PPP2R2C: variants seen among roughly 807,000 people sequenced by gnomAD.
PPP2R2C encodes protein phosphatase 2 regulatory subunit Bgamma.
In PPP2R2C, 10 loss-of-function variants were observed where a neutral mutation model predicts 45.3. That is an observed-to-expected ratio of 0.22 (90% CI 0.14 to 0.37). The LOEUF (loss-of-function observed/expected upper bound fraction) is 0.37, where lower values mean the gene tolerates loss of function less well. PPP2R2C is among the 10% of genes least tolerant of loss of function. PPP2R2C has a pLI of 1.00. For missense variants in PPP2R2C, 308 were observed against 619.7 expected (o/e 0.50, Z 5.34); for synonymous variants, 257 against 245.4 (o/e 1.05, Z -0.44).
In PPP2R2C at chr4:6,471,262, C is replaced by T. The variant is rs1721866002; in HGVS notation, c.70+898G>A. Among the ~76,000 whole-genome samples, 4 of 152,040 alleles carry T rather than the reference C, an allele frequency of 2.6e-5. No individual in the cohort carries two copies. In the South Asian group the frequency reaches 8.3e-4, roughly 32 times the overall value. ...CACTCGGGCAGGGCTCCAGCACAGG[C>T]GGCCCCGAGCCCAGACCTCCCGGTC... On this transcript the variant is annotated intron_variant, in intron 1 of 8. Transcript: ENST00000382599. The surrounding 1 kb of genome is among the most constrained non-coding windows in gnomAD (Gnocchi z 5.6).
At chr4:6,413,764 G>T in intron 1 of PPP2R2C, 2 of 1,108,404 alleles carry the variant, frequency 1.8e-6, no homozygotes, top group Non-Finnish European at 2.5e-6. Context: ...GGCAGCTGGG[G>T]TCACTGAGAC....
At chr4:6,436,903 C>CT (rs1051208268) in intron 1 of PPP2R2C, among the ~76,000 whole-genome samples, 57 of 8,662 alleles carry the variant, frequency 6.6e-3, no homozygotes, top group Middle Eastern at 0.5. Flanking sequence ...GGTCCAAATG[C>CT]CCAGTTGTCT....
At chr4:6,449,383 T>C (rs1386107330) in intron 1 of PPP2R2C, among the ~76,000 whole-genome samples, 1 of 152,218 alleles carries the variant, frequency 6.6e-6, no homozygotes, top group East Asian at 1.9e-4. Flanking sequence ...ACTTTCACAG[T>C]GCACCTCCAC....
At chr4:6,517,444 C>T (rs1723860170) in intron 2 of PPP2R2C, among the ~76,000 whole-genome samples, 2 of 152,308 alleles carry the variant, frequency 1.3e-5, no homozygotes, top group South Asian at 4.1e-4. Context: ...GGGACTACTT[C>T]CCAGAAGCCA....
chr4:6,500,170 A>C (rs1163823544), intron 2 of PPP2R2C, among the ~76,000 whole-genome samples: 1 of 152,172 alleles, frequency 6.6e-6, no homozygotes, highest in African/African-American at 2.4e-5. Flanking sequence ...TTTTTGAGAC[A>C]GAGTCTCACT....
At chr4:6,381,378 C>G in intron 1 of PPP2R2C, 1 of 1,480,808 alleles carries the variant, frequency 6.8e-7, no homozygotes, top group Non-Finnish European at 9.0e-7. Context: ...AGTAACTGGA[C>G]ACTCTATGGG....
At chr4:6,562,548 C>A (rs923060310) in intron 1 of PPP2R2C, among the ~76,000 whole-genome samples, 1 of 152,076 alleles carries the variant, frequency 6.6e-6, no homozygotes, top group Non-Finnish European at 1.5e-5. Flanking sequence ...CACCCTACCC[C>A]GGTCCACCAG....
intron 6 of PPP2R2C, among the ~76,000 whole-genome samples, chr4:6,344,792 T>G (rs928537057): frequency 3.9e-5 from 6 of 152,194 alleles, no homozygotes; most frequent in African/African-American, 1.4e-4. Flanking sequence ...CCCCTAAATC[T>G]TTCAACATAA....
chr4:6,412,988 T>G (rs1718288893), intron 1 of PPP2R2C, among the ~76,000 whole-genome samples: 1 of 152,226 alleles, frequency 6.6e-6, no homozygotes. Flanking sequence ...TAGAAATGTT[T>G]CTGTTGTTTA....
At chr4:6,537,169 C>T (rs1028303397) in intron 1 of PPP2R2C, among the ~76,000 whole-genome samples, 4 of 151,898 alleles carry the variant, frequency 2.6e-5, no homozygotes, top group Non-Finnish European at 4.4e-5. Flanking sequence ...CTGCAGTGCA[C>T]TCCAGTCTGG....
intron 5 of PPP2R2C, among the ~76,000 whole-genome samples, chr4:6,361,030 C>T (rs1400523326): frequency 2.0e-5 from 3 of 152,160 alleles, no homozygotes; most frequent in South Asian, 2.1e-4. Flanking sequence ...ACTTAATTAC[C>T]CCTTTAAGGC....
At chr4:6,506,057 G>A (rs1028511552) in intron 2 of PPP2R2C, among the ~76,000 whole-genome samples, 19 of 152,282 alleles carry the variant, frequency 1.2e-4, no homozygotes, top group South Asian at 2.1e-4. Context: ...TCATAGGCAT[G>A]CTGGGCAAAA....
chr4:6,461,896 G>C (rs1363737657), intron 1 of PPP2R2C, among the ~76,000 whole-genome samples: 2 of 152,212 alleles, frequency 1.3e-5, no homozygotes, highest in Non-Finnish European at 2.9e-5. Flanking sequence ...CCCATCATGG[G>C]GGTAAGACAG....
At position 6,345,552 on chromosome 4, in the gene PPP2R2C, A is replaced by G. The variant is rs760905008; in HGVS notation, c.790+2294T>C. ...CGAAAGACAGACAGGAGGGTCAGAG[A>G]CGTGAGAGAGGCTTGGCCGCTGTGG... On this transcript the variant is annotated intron_variant, in intron 6 of 8. Coordinates refer to ENST00000382599, the MANE Select transcript of PPP2R2C (RefSeq NM_020416.4). The surrounding 1 kb of genome is among the most constrained non-coding windows in gnomAD (Gnocchi z 5.3). 7.2e-5 allele frequency among the ~76,000 whole-genome samples: 11 copies of G among 152,138 alleles called. No homozygotes were observed. The highest frequency in any genetic ancestry group is 2.7e-4 in the African/African-American group (11 of 41,422).
chr4:6,447,835 A>T (rs1720512851), intron 1 of PPP2R2C, among the ~76,000 whole-genome samples: 1 of 152,162 alleles, frequency 6.6e-6, no homozygotes. Flanking sequence ...GAGTAACAGC[A>T]GCGCAAGCAC....
intron 5 of PPP2R2C, chr4:6,348,871 T>A: frequency 1.5e-6 from 1 of 679,428 alleles, no homozygotes; most frequent in Middle Eastern, 7.4e-4. Flanking sequence ...CCAATAAATG[T>A]CCATTTTTTG....
At chr4:6,547,287 C>T in intron 1 of PPP2R2C, among the ~76,000 whole-genome samples, 1 of 151,912 alleles carries the variant, frequency 6.6e-6, no homozygotes, top group East Asian at 1.9e-4. Flanking sequence ...ATGCCATTAT[C>T]ACACCTAACA....
At position 6,364,492 on chromosome 4, in the gene PPP2R2C, T is replaced by C. The variant is rs1714096087; in HGVS notation, c.625+8031A>G. ...TGACATGATCTTGTCGTTTTTTTTT[T>C]TCTCATGTTGTAGGAGAACAGACTG... On this transcript the variant is annotated intron_variant, in intron 5 of 8. Transcript: ENST00000382599. This position sits in a 1 kb window ranked among gnomAD's most constrained non-coding sequence, Gnocchi z 5.3. Among the ~76,000 whole-genome samples, 1 of 151,892 alleles carries C rather than the reference T, an allele frequency of 6.6e-6. No homozygotes were observed. The highest frequency in any genetic ancestry group is 6.5e-5 in the Admixed American group (1 of 15,274).
intron 1 of PPP2R2C, among the ~76,000 whole-genome samples, chr4:6,469,077 CAAAAAAAAAAAAAAAAA>C (rs142008829): frequency 1.8e-5 from 1 of 56,154 alleles, no homozygotes; most frequent in Non-Finnish European, 3.2e-5. Flanking sequence ...GCCCTGCCAC[CAAAAAAAAAAAAAAAAA>C]AAAAAAAAAA....
Sources: allele counts gnomAD v4.1 joint callset (sites outside exome capture counted in the v4.1 genomes callset), GRCh38; gene constraint gnomAD v4.1.1; non-coding constraint Gnocchi (gnomAD v3.1); transcripts MANE v1.5; gene names NCBI Gene and HGNC (gene_info 2026-07-23, HGNC 2026-07-21).